Variants in C2orf42 observed in about 807,000 individuals in gnomAD.
C2orf42 encodes uncharacterized protein C2orf42.
A neutral mutation model predicts 58.9 loss-of-function variants in C2orf42; 44 were observed. The observed-to-expected ratio is 0.75, with a 90% confidence interval of 0.59 to 0.96. The LOEUF is 0.96. Ranked by LOEUF, C2orf42 falls within the 40% of genes least tolerant of loss-of-function variation. C2orf42 has a pLI of 0.00. For missense variants in C2orf42, 630 were observed against 699.2 expected (o/e 0.90, Z 1.12); for synonymous variants, 239 against 265.4 (o/e 0.90, Z 0.97).
chr2:70,169,247 CCA>C (rs35414580), intron 6 of C2orf42, among the ~76,000 whole-genome samples: 34,311 of 140,398 alleles, frequency 0.24, 5,030 homozygotes, highest in African/African-American at 0.42. Flanking sequence ...ATCTCCCTCA[CCA>C]CACACACACA....
At chr2:70,160,025 C>T in intron 9 of C2orf42, among the ~76,000 whole-genome samples, 1 of 152,070 alleles carries the variant, frequency 6.6e-6, no homozygotes, top group Non-Finnish European at 1.5e-5. Context: ...TAAATTTCTT[C>T]TGGAAGAATA....
In C2orf42 at chr2:70,187,343, C is replaced by A. The variant is rs572403819; in HGVS notation, c.-282+3630G>T. On this transcript the variant is annotated intron_variant, in intron 1 of 9. Transcript: ENST00000264434. ...TCAGCTCACTGCAACCTCCGCCTCC[C>A]GGGTTCAAGTGATTCTCCTGCCTCA... 2.0e-3 allele frequency among the ~76,000 whole-genome samples: 301 copies of A among 152,264 alleles called. 1 individual carries two copies. The highest frequency in any genetic ancestry group is 6.7e-3 in the African/African-American group (278 of 41,568).
intron 9 of C2orf42, among the ~76,000 whole-genome samples, chr2:70,153,011 C>T (rs1672402444): frequency 6.9e-6 from 1 of 144,180 alleles, no homozygotes. Flanking sequence ...CCAGCCTAGG[C>T]AACAGAGCAA....
chr2:70,181,667 T>C lies in C2orf42; in HGVS notation c.319A>G (p.Ile107Val), dbSNP rs746693357. 2.7e-5 allele frequency: 43 copies of C among 1,614,058 alleles called. No homozygotes were observed. Among genetic ancestry groups the C allele is most frequent in the Non-Finnish European group, 3.6e-5 (42 of 1,180,032 alleles). The change falls in exon 3 of 10, where the codon ATC (isoleucine) becomes GTC (valine). Residue 107 changes from isoleucine to valine, a missense_variant. By Grantham distance (29) the Ile-to-Val change is conservative (BLOSUM62 3). Transcript: ENST00000264434. ...CACCGTCCAGAGCTCAGCTGAGTGA[T>C]GATCGTCCCATCCACTGTCTGGATT... ...TTIQTVDGTI[I>V]TQLSSGRCYV...
At chr2:70,157,202 C>A (rs1672727962) in intron 9 of C2orf42, among the ~76,000 whole-genome samples, 1 of 152,100 alleles carries the variant, frequency 6.6e-6, no homozygotes, top group Admixed American at 6.6e-5. Context: ...CGCCTGTAAT[C>A]CCAGCACTTT....
At chr2:70,170,746 TAA>T (rs11344008) in intron 5 of C2orf42, among the ~76,000 whole-genome samples, 15 of 131,762 alleles carry the variant, frequency 1.1e-4, no homozygotes, top group East Asian at 2.2e-4. Context: ...AGTGAGACTC[TAA>T]AAAAAAAAAA....
intron 9 of C2orf42, among the ~76,000 whole-genome samples, chr2:70,158,437 T>A (rs2104849232): frequency 6.9e-6 from 1 of 145,262 alleles, no homozygotes; most frequent in African/African-American, 2.7e-5. Context: ...TTTATTTATT[T>A]ATTTATTTAT....
At chr2:70,155,734 A>C (rs1482200193) in intron 9 of C2orf42, among the ~76,000 whole-genome samples, 1 of 151,528 alleles carries the variant, frequency 6.6e-6, no homozygotes, top group Non-Finnish European at 1.5e-5. Context: ...TGGGAGGCGG[A>C]GGTTGCAGTG....
intron 1 of C2orf42, among the ~76,000 whole-genome samples, chr2:70,184,230 G>GA (rs1180110807): frequency 2.6e-5 from 4 of 151,002 alleles, no homozygotes; most frequent in East Asian, 3.9e-4. Flanking sequence ...GATGTAGAGA[G>GA]AAAAAAAAAT....
intron 1 of C2orf42, among the ~76,000 whole-genome samples, chr2:70,188,345 G>A (rs1298142803): frequency 1.3e-5 from 2 of 151,736 alleles, no homozygotes; most frequent in Non-Finnish European, 2.9e-5. Context: ...CCACCACCAA[G>A]CCCGGCTAAT....
chr2:70,159,225 CA>C (rs1672900252), intron 9 of C2orf42, among the ~76,000 whole-genome samples: 2 of 151,810 alleles, frequency 1.3e-5, no homozygotes, highest in African/African-American at 2.4e-5. Flanking sequence ...AAAAATAAAA[CA>C]GTTCCAAGAA....
intron 3 of C2orf42, among the ~76,000 whole-genome samples, chr2:70,180,229 T>C (rs927236678): frequency 3.3e-5 from 5 of 151,292 alleles, no homozygotes; most frequent in Admixed American, 1.3e-4. Context: ...GAGGTGGAGA[T>C]TGCAGTGAGC....
chr2:70,156,457 T>C (rs182580438), intron 9 of C2orf42, among the ~76,000 whole-genome samples: 4 of 151,902 alleles, frequency 2.6e-5, no homozygotes, highest in Admixed American at 2.6e-4. Context: ...GAAATAGCCA[T>C]TGCACTCCAG....
At chr2:70,163,308 G>A (rs538707040) in intron 8 of C2orf42, among the ~76,000 whole-genome samples, 8 of 147,682 alleles carry the variant, frequency 5.4e-5, no homozygotes, top group Admixed American at 1.3e-4. Context: ...GCAGTGGTGC[G>A]ATCTCGGCTC....
rs992931224 is a variant in C2orf42, at chr2:70,150,049, G to A, written c.*307C>T. On this transcript the variant is annotated 3_prime_UTR_variant, in exon 10 of 10. Coordinates refer to ENST00000264434, the MANE Select transcript of C2orf42 (RefSeq NM_017880.3). ...AGATTTCTCAGAGAATTAGCAAAAG[G>A]TTGAAATAAACGCTAAAGATGAGTC... The A allele has an allele frequency of 8.0e-5, 31 of 386,338 alleles. No individual in the cohort carries two copies. The highest frequency in any genetic ancestry group is 6.2e-4 in the African/African-American group (30 of 48,612). The allele number at this position is 386,338 out of a possible 1,614,324, so 23.9% of individuals were successfully genotyped here. A position where few individuals can be genotyped will look rare whatever the true frequency, so the allele number is the denominator to read the frequency against.
At chr2:70,171,389 C>T (rs1283453698) in intron 5 of C2orf42, among the ~76,000 whole-genome samples, 1 of 152,172 alleles carries the variant, frequency 6.6e-6, no homozygotes, top group Non-Finnish European at 1.5e-5. Context: ...CAATAATGAA[C>T]ATATTCTTTC....
At chr2:70,170,458 G>C (rs1416334954) in intron 5 of C2orf42, among the ~76,000 whole-genome samples, 1 of 151,832 alleles carries the variant, frequency 6.6e-6, no homozygotes, top group African/African-American at 2.4e-5. Flanking sequence ...GTGTTTCCCA[G>C]GCTGGTCTCA....
At position 70,181,412 on chromosome 2, in the gene C2orf42, TCAC is replaced by T. The variant is rs749710534; in HGVS notation, c.571_573del (p.Val191del). On this transcript the variant is annotated inframe_deletion, in exon 3 of 10. Coordinates refer to ENST00000264434, the MANE Select transcript of C2orf42 (RefSeq NM_017880.3). ...CTGTGCTTCTGGCTTGCCTTGCATT[TCAC>T]CACCAAGATGTTTTTAGTAATTCTC... 1.9e-6 allele frequency: 3 copies of T among 1,614,134 alleles called. No individual in the cohort carries two copies. Among genetic ancestry groups the T allele is most frequent in the Non-Finnish European group, 2.5e-6 (3 of 1,179,994 alleles).
intron 9 of C2orf42, among the ~76,000 whole-genome samples, chr2:70,151,196 T>A (rs1381321355): frequency 6.6e-6 from 1 of 152,070 alleles, no homozygotes. Flanking sequence ...TACAAAAAAT[T>A]AAATTAGCCA....
Sources: gnomAD v4.1 joint callset for allele counts (sites outside exome capture counted in the v4.1 genomes callset) on GRCh38, gnomAD v4.1.1 for gene constraint, MANE v1.5 for transcripts, NCBI Gene and HGNC (gene_info 2026-07-23, HGNC 2026-07-21) for gene names.